Variants in DAB1 observed in about 807,000 individuals in gnomAD.
The protein encoded by DAB1 is DAB adaptor protein 1.
Under a neutral mutation model 64.6 loss-of-function variants are expected in DAB1, and 15 were observed. The observed-to-expected ratio is 0.23, with a 90% CI of 0.16 to 0.36. The LOEUF (loss-of-function observed/expected upper bound fraction) is 0.36. Ranked by LOEUF, DAB1 falls within the 10% of genes least tolerant of loss-of-function variation. The probability of loss-of-function intolerance (pLI) is 1.00; values close to 1 mark genes in which losing one functional copy is unlikely to be tolerated. For synonymous variants in DAB1, 235 were observed against 251.9 expected (o/e 0.93, Z 0.64); for missense variants, 596 against 706.7 (o/e 0.84, Z 1.78).
intron 6 of DAB1, among the ~76,000 whole-genome samples, chr1:57,762,308 C>T (rs981037490): frequency 5.3e-5 from 8 of 151,212 alleles, no homozygotes; most frequent in African/African-American, 1.5e-4. Flanking sequence ...TGTGTGTATA[C>T]GTATATGGGT....
chr1:58,304,737 T>C (rs1346613899), intron 4 of DAB1, among the ~76,000 whole-genome samples: 2 of 152,174 alleles, frequency 1.3e-5, no homozygotes, highest in Non-Finnish European at 2.9e-5. Context: ...GGACCCCAGC[T>C]GACTTACAGA....
At chr1:57,761,659 T>C (rs972080909) in intron 6 of DAB1, among the ~76,000 whole-genome samples, 3 of 152,192 alleles carry the variant, frequency 2.0e-5, no homozygotes, top group African/African-American at 7.2e-5. Flanking sequence ...GCTGCGAACA[T>C]GACTGCCCAG....
intron 5 of DAB1, among the ~76,000 whole-genome samples, chr1:57,998,543 T>C (rs1646461850): frequency 1.3e-5 from 2 of 152,136 alleles, no homozygotes; most frequent in South Asian, 2.1e-4. Flanking sequence ...TTTGTATCTT[T>C]AGTAGAGACG....
chr1:57,017,479 G>A (rs1383297685), intron 11 of DAB1, among the ~76,000 whole-genome samples: 3 of 152,154 alleles, frequency 2.0e-5, no homozygotes, highest in African/African-American at 7.2e-5. Context: ...TCAAGTCACA[G>A]ATGTACCCGC....
intron 4 of DAB1, among the ~76,000 whole-genome samples, chr1:58,209,946 A>T (rs949297288): frequency 6.6e-6 from 1 of 152,212 alleles, no homozygotes. Flanking sequence ...AGGAGAAATT[A>T]TCAAGTAAAA....
chr1:57,878,974 G>C (rs573488013), intron 1 of DAB1, among the ~76,000 whole-genome samples: 2 of 152,162 alleles, frequency 1.3e-5, no homozygotes, highest in East Asian at 3.9e-4. Context: ...TGTCCTCCAG[G>C]CGTATCCATT....
At position 57,375,574 on chromosome 1, in the gene DAB1, G is replaced by A. The variant is rs566088295; in HGVS notation, c.-137+48356C>T. Among the ~76,000 whole-genome samples the A allele has an allele frequency of 2.3e-4, 35 of 152,184 alleles. No homozygotes were observed. The Middle Eastern group carries it at 0.014, about 60-fold the overall frequency. On this transcript the variant is annotated intron_variant, in intron 1 of 14. Coordinates refer to ENST00000371236, the MANE Select transcript of DAB1 (RefSeq NM_001365792.1). ...ATATGCAGTAGGCCCAACATCACAG[G>A]GCTACTAAACATAAGGGCCAGCATT...
At chr1:57,847,163 TG>T in intron 1 of DAB1, among the ~76,000 whole-genome samples, 1 of 152,268 alleles carries the variant, frequency 6.6e-6, no homozygotes, top group African/African-American at 2.4e-5. Context: ...CCATGCTCAG[TG>T]GCCTGGCTGC....
intron 5 of DAB1, among the ~76,000 whole-genome samples, chr1:57,991,845 CAAA>C (rs56324635): frequency 1.0e-4 from 6 of 60,152 alleles, no homozygotes; most frequent in South Asian, 1.1e-3. Context: ...GGCTCTGTCT[CAAA>C]AAAAAAAAAA....
intron 2 of DAB1, among the ~76,000 whole-genome samples, chr1:57,202,090 A>G (rs1378201016): frequency 6.6e-6 from 1 of 152,226 alleles, no homozygotes; most frequent in Non-Finnish European, 1.5e-5. Context: ...AGAACAAATC[A>G]CAAGATAGCA....
chr1:57,986,181 T>C (rs1185856601), intron 5 of DAB1, among the ~76,000 whole-genome samples: 3 of 152,148 alleles, frequency 2.0e-5, no homozygotes, highest in Non-Finnish European at 4.4e-5. Context: ...TCACCTAGCC[T>C]TGACTCTCAC....
intron 5 of DAB1, among the ~76,000 whole-genome samples, chr1:57,981,731 C>A (rs1646070522): frequency 6.6e-6 from 1 of 152,154 alleles, no homozygotes; most frequent in Non-Finnish European, 1.5e-5. Flanking sequence ...TCTCTGTTGT[C>A]CCCTGACATA....
chr1:58,031,931 T>TAA (rs546121916), intron 5 of DAB1, among the ~76,000 whole-genome samples: 2 of 146,334 alleles, frequency 1.4e-5, no homozygotes, highest in Middle Eastern at 3.4e-3. Context: ...GTTGAAATTG[T>TAA]AAAAAAAAAA....
chr1:57,951,882 G>T (rs529940009), intron 5 of DAB1, among the ~76,000 whole-genome samples: 4 of 152,226 alleles, frequency 2.6e-5, no homozygotes, highest in Admixed American at 2.0e-4. Context: ...CCCATCTTAA[G>T]GATGATTCTT....
At chr1:58,523,918 T>G (rs1403486888) in intron 2 of DAB1, among the ~76,000 whole-genome samples, 1 of 151,942 alleles carries the variant, frequency 6.6e-6, no homozygotes. Flanking sequence ...AAAAAAGAAC[T>G]GGCAGCCTTT....
At chr1:57,596,114 A>T (rs990817254) in intron 7 of DAB1, among the ~76,000 whole-genome samples, 1 of 152,016 alleles carries the variant, frequency 6.6e-6, no homozygotes, top group African/African-American at 2.4e-5. Context: ...TGTTAGGCTG[A>T]TTCTCTAGGT....
chr1:58,528,232 T>C (rs1646381893), intron 1 of DAB1, among the ~76,000 whole-genome samples: 1 of 152,146 alleles, frequency 6.6e-6, no homozygotes, highest in Non-Finnish European at 1.5e-5. Context: ...ATTGATAACA[T>C]AAGGATTTAA....
At chr1:57,408,621 G>T (rs1006628985) in intron 1 of DAB1, among the ~76,000 whole-genome samples, 1 of 152,242 alleles carries the variant, frequency 6.6e-6, no homozygotes, top group Admixed American at 6.5e-5. Context: ...CCAATACAGA[G>T]TCCACCGCCA....
At chr1:57,713,927 G>A (rs1285408388) in intron 6 of DAB1, among the ~76,000 whole-genome samples, 2 of 143,870 alleles carry the variant, frequency 1.4e-5, no homozygotes, top group Non-Finnish European at 2.9e-5. Context: ...CTTCCAGATT[G>A]TCTGTCTATA....
Sources: gnomAD v4.1 joint callset for allele counts (sites outside exome capture counted in the v4.1 genomes callset) on GRCh38, gnomAD v4.1.1 for gene constraint, MANE v1.5 for transcripts, NCBI Gene and HGNC (gene_info 2026-07-23, HGNC 2026-07-21) for gene names.